Variants in PTPRN2 observed in about 807,000 individuals in gnomAD.
The protein encoded by PTPRN2 is receptor-type tyrosine-protein phosphatase N2.
PTPRN2 carries 74 observed loss-of-function variants against 118.8 expected under a neutral mutation model. The ratio of observed to expected loss-of-function variants is 0.62; its 90% CI spans 0.52 to 0.76. The LOEUF is 0.76. Among genes scored for constraint, PTPRN2 ranks in the 30% least tolerant of loss-of-function variants. The pLI, the probability that PTPRN2 is intolerant of heterozygous loss-of-function variation, is 0.00. For synonymous variants in PTPRN2, 641 were observed against 608.0 expected, an observed-to-expected ratio of 1.05 and a Z score of -0.80; for missense variants, 1,481 against 1,394.4, an observed-to-expected ratio of 1.06 and a Z score of -0.99.
At chr7:158,394,025 G>A (rs1812141030) in intron 2 of PTPRN2, among the ~76,000 whole-genome samples, 1 of 149,210 alleles carries the variant, frequency 6.7e-6, no homozygotes, top group Non-Finnish European at 1.5e-5. Flanking sequence ...CACCCCCATG[G>A]ACACCTCGCT....
At chr7:158,362,433 C>T (rs1418142861) in intron 2 of PTPRN2, among the ~76,000 whole-genome samples, 1 of 152,116 alleles carries the variant, frequency 6.6e-6, no homozygotes, top group Non-Finnish European at 1.5e-5. Flanking sequence ...TTAAAGATGG[C>T]CTAATTAAGG....
chr7:157,787,714 T>C lies in PTPRN2; in HGVS notation c.1789-104777A>G, dbSNP rs1036300237. Among the ~76,000 whole-genome samples the C allele has an allele frequency of 6.6e-6, 1 of 152,098 alleles. No individual in the cohort carries two copies. Among genetic ancestry groups the C allele is most frequent in the African/African-American group, 2.4e-5 (1 of 41,432 alleles). ...CGGGGTGGTGTTTGAGCTGGTGCCA[T>C]CTGGGTCCCCTGGGGTGGTGGCTGG... On this transcript the variant is annotated intron_variant, in intron 12 of 22. Coordinates refer to ENST00000389418, the MANE Select transcript of PTPRN2 (RefSeq NM_002847.5). The surrounding 1 kb of genome is among the most constrained non-coding windows in gnomAD (Gnocchi z 5.3).
At chr7:158,500,210 G>T (rs1390608124) in intron 1 of PTPRN2, among the ~76,000 whole-genome samples, 1 of 152,168 alleles carries the variant, frequency 6.6e-6, no homozygotes, top group Admixed American at 6.5e-5. Context: ...TGTTACTACA[G>T]TTTCCCCTTT....
At chr7:158,086,148 C>T (rs983734641) in intron 10 of PTPRN2, among the ~76,000 whole-genome samples, 10 of 152,186 alleles carry the variant, frequency 6.6e-5, no homozygotes, top group African/African-American at 2.4e-4. Context: ...TAATTACAGA[C>T]CTGCTTAGAA....
At chr7:157,766,020 C>A (rs1230325492) in intron 12 of PTPRN2, among the ~76,000 whole-genome samples, 1 of 151,168 alleles carries the variant, frequency 6.6e-6, no homozygotes, top group Non-Finnish European at 1.5e-5. Flanking sequence ...TTCCTTCATC[C>A]ACCCATCCAT....
At chr7:157,581,413 C>T (rs528415787) in intron 17 of PTPRN2, among the ~76,000 whole-genome samples, 13 of 152,318 alleles carry the variant, frequency 8.5e-5, no homozygotes, top group African/African-American at 2.2e-4. Context: ...AGCAATGTTG[C>T]GCTTTGCTGT....
intron 14 of PTPRN2, among the ~76,000 whole-genome samples, chr7:157,642,970 C>T (rs955510532): frequency 2.6e-5 from 4 of 152,228 alleles, no homozygotes; most frequent in African/African-American, 9.6e-5. Flanking sequence ...TGGACCATCA[C>T]CCACCTTCTC....
intron 2 of PTPRN2, among the ~76,000 whole-genome samples, chr7:158,462,433 GA>G: frequency 6.6e-6 from 1 of 152,154 alleles, no homozygotes; most frequent in Non-Finnish European, 1.5e-5. Flanking sequence ...GCTCTCACAT[GA>G]TGCGATACCG....
chr7:158,270,981 T>C (rs544349832), intron 3 of PTPRN2, among the ~76,000 whole-genome samples: 96 of 35,214 alleles, frequency 2.7e-3, no homozygotes, highest in Admixed American at 5.3e-3. Flanking sequence ...GACCACCCCC[T>C]CCACCTGGGC....
intron 12 of PTPRN2, among the ~76,000 whole-genome samples, chr7:157,707,814 G>A (rs138602302): frequency 0.01 from 1,527 of 152,282 alleles, 13 homozygotes; most frequent in Non-Finnish European, 0.014. Flanking sequence ...TAGCCAGGAT[G>A]GTCTTGACCT....
intron 3 of PTPRN2, among the ~76,000 whole-genome samples, chr7:158,310,155 A>G (rs7809781): frequency 0.94 from 142,725 of 152,298 alleles, 66,944 homozygotes; most frequent in Non-Finnish European, 0.96. Context: ...GGGAAGTAGC[A>G]GCACGGCTGT....
chr7:158,145,941 C>A (rs947739087), intron 6 of PTPRN2, among the ~76,000 whole-genome samples: 2 of 152,166 alleles, frequency 1.3e-5, no homozygotes, highest in Non-Finnish European at 2.9e-5. Context: ...GCCTCAGTTT[C>A]CATATCTGTA....
intron 12 of PTPRN2, among the ~76,000 whole-genome samples, chr7:157,775,529 A>G (rs1458733625): frequency 6.6e-6 from 1 of 152,182 alleles, no homozygotes; most frequent in Non-Finnish European, 1.5e-5. Flanking sequence ...CGAGGAGAGG[A>G]GCGTGGAGCA....
At chr7:157,746,517 C>A (rs909074325) in intron 12 of PTPRN2, among the ~76,000 whole-genome samples, 1 of 142,516 alleles carries the variant, frequency 7.0e-6, no homozygotes, top group Non-Finnish European at 1.5e-5. Flanking sequence ...ACAGTCCACA[C>A]GGGGCCCTGA....
intron 2 of PTPRN2, among the ~76,000 whole-genome samples, chr7:158,476,857 C>T (rs918624672): frequency 2.6e-5 from 4 of 152,342 alleles, no homozygotes; most frequent in Non-Finnish European, 4.4e-5. Flanking sequence ...GTTTGAGGAG[C>T]GAACCGCATC....
At chr7:158,428,102 G>A (rs187952487) in intron 2 of PTPRN2, among the ~76,000 whole-genome samples, 2 of 152,366 alleles carry the variant, frequency 1.3e-5, no homozygotes, top group South Asian at 2.1e-4. Flanking sequence ...CTGTCACCAA[G>A]TGTTTAAAGA....
Position 158,311,864 on chromosome 7 carries a change from T to C in PTPRN2, c.277+4955A>G, listed in dbSNP as rs143569523. ...ACCTGCACACACACTCACATGCTCATGTGTAGACACCCACACACCTGCACG... is the reference window on the plus strand; with the variant it reads ...ACCTGCACACACACTCACATGCTCACGTGTAGACACCCACACACCTGCACG... On this transcript the variant is annotated intron_variant, in intron 3 of 22. Coordinates refer to ENST00000389418, the MANE Select transcript of PTPRN2 (RefSeq NM_002847.5). Among the ~76,000 whole-genome samples the C allele has an allele frequency of 6.8e-4, 101 of 148,130 alleles. 2 individuals carry two copies. Among genetic ancestry groups the C allele is most frequent in the South Asian group, 5.4e-3 (25 of 4,600 alleles).
chr7:157,777,263 T>C (rs761215884), intron 12 of PTPRN2, among the ~76,000 whole-genome samples: 18 of 152,226 alleles, frequency 1.2e-4, no homozygotes, highest in Non-Finnish European at 2.2e-4. Flanking sequence ...ACAAGTGGAA[T>C]TGGAAACACG....
rs912002382 is a variant in PTPRN2, at chr7:157,598,260, C to T, written c.2419-2945G>A. Reference sequence around the variant, plus strand: ...CTCCGGTCTTCATTCTTACCCTTCGCCTCCTACTCATGACTTTCCATTTCA... The same window carrying T: ...CTCCGGTCTTCATTCTTACCCTTCGTCTCCTACTCATGACTTTCCATTTCA... On this transcript the variant is annotated intron_variant, in intron 16 of 22. Coordinates refer to ENST00000389418, the MANE Select transcript of PTPRN2 (RefSeq NM_002847.5). This position sits in a 1 kb window ranked among gnomAD's most constrained non-coding sequence, Gnocchi z 5.2. 6.6e-6 allele frequency among the ~76,000 whole-genome samples: 1 copy of T among 152,214 alleles called. No individual in the cohort carries two copies. Among genetic ancestry groups the T allele is most frequent in the Non-Finnish European group, 1.5e-5 (1 of 68,040 alleles).
Sources: gnomAD v4.1 joint callset for allele counts (sites outside exome capture counted in the v4.1 genomes callset) on GRCh38, gnomAD v4.1.1 for gene constraint, Gnocchi (gnomAD v3.1) non-coding constraint, MANE v1.5 for transcripts, NCBI Gene and HGNC (gene_info 2026-07-23, HGNC 2026-07-21) for gene names.